BCAR1: variants seen among roughly 807,000 people sequenced by gnomAD.
BCAR1 encodes breast cancer anti-estrogen resistance protein 1.
BCAR1 carries 30 observed loss-of-function variants against 67.6 expected under a neutral mutation model. That is an observed-to-expected ratio of 0.44 (90% CI 0.33 to 0.60). The LOEUF (loss-of-function observed/expected upper bound fraction) is 0.60. Among genes scored for constraint, BCAR1 ranks in the 20% least tolerant of loss-of-function variants. The probability of loss-of-function intolerance (pLI) is 0.02; values close to 1 mark genes in which losing one functional copy is unlikely to be tolerated. For synonymous variants in BCAR1, 626 were observed against 556.7 expected (o/e 1.12, Z -1.75); for missense variants, 1,313 against 1,222.3 (o/e 1.07, Z -1.11).
In BCAR1 at chr16:75,236,798, A is replaced by C. The variant is rs963886910; in HGVS notation, c.912+84T>G. The C allele has an allele frequency of 7.3e-6, 11 of 1,509,962 alleles. No individual in the cohort carries two copies. In the Admixed American group the frequency reaches 1.3e-4, roughly 18 times the overall value. The allele number at this position is 1,509,962 out of a possible 1,614,324, so 93.5% of individuals were successfully genotyped here. A position where few individuals can be genotyped will look rare whatever the true frequency, so the allele number is the denominator to read the frequency against. ...TCCTGCCCGCCACCCCCAGCCCTGCAGACACTGGTCAGCACCCCTGTGCAC... is the reference window on the plus strand; with the variant it reads ...TCCTGCCCGCCACCCCCAGCCCTGCCGACACTGGTCAGCACCCCTGTGCAC... On this transcript the variant is annotated intron_variant, in intron 4 of 6. Transcript: ENST00000162330.
upstream of BCAR1, chr16:75,251,860 A>G (rs1487344002): frequency 1.1e-4 from 31 of 269,920 alleles, 1 homozygote; most frequent in Admixed American, 1.6e-3. Context: ...GGCGCAGGAC[A>G]CCGCTCTCCA....
Position 75,235,657 on chromosome 16 carries a change from G to T in BCAR1, c.1242C>A (p.Pro414=), listed in dbSNP as rs768088481. ...CTGCCGGGGCTTCACGTTCAGCTGG[G>T]GGAGGCACCGCATACACACCACTGT... The part of the protein sequence containing the change: ...VVDSGVYAVP[P]PAEREAPAEG... Residue 414 remains proline (P), a synonymous_variant, in exon 5 of 7, where the codon CCC becomes CCA. Transcript: ENST00000162330. The T allele has an allele frequency of 4.3e-6, 7 of 1,610,476 alleles. No homozygotes were observed. The Admixed American group carries it at 8.4e-5, about 19-fold the overall frequency.
At chr16:75,266,688 T>C (rs965147353) in intron 1 of BCAR1, 8 of 1,335,950 alleles carry the variant, frequency 6.0e-6, no homozygotes, top group African/African-American at 2.9e-5. Flanking sequence ...TTACATTTCA[T>C]AGGCCCAGGC....
intron 1 of BCAR1, chr16:75,264,469 A>C (rs1221622174): frequency 1.4e-6 from 2 of 1,479,306 alleles, no homozygotes; most frequent in Non-Finnish European, 1.8e-6. Flanking sequence ...CCAGGAGAGC[A>C]GAACAGAAGA....
intron 6 of BCAR1, among the ~76,000 whole-genome samples, chr16:75,230,910 T>C (rs548633779): frequency 3.3e-5 from 5 of 152,060 alleles, no homozygotes; most frequent in African/African-American, 1.2e-4. Context: ...TGAGGCAGGG[T>C]GAGGTGGCTC....
At chr16:75,256,522 G>A (rs995415812), upstream of BCAR1, among the ~76,000 whole-genome samples, 1 of 151,578 alleles carries the variant, frequency 6.6e-6, no homozygotes, top group African/African-American at 2.4e-5. Flanking sequence ...GATGGGGGGG[G>A]GTGGGGCCTC....
intron 1 of BCAR1, among the ~76,000 whole-genome samples, chr16:75,245,384 C>T (rs1412833860): frequency 6.6e-6 from 1 of 152,196 alleles, no homozygotes; most frequent in African/African-American, 2.4e-5. Flanking sequence ...CAGAGGGGAC[C>T]GCCCCGCGAA....
intron 1 of BCAR1, among the ~76,000 whole-genome samples, chr16:75,250,395 A>T (rs983860861): frequency 1.3e-5 from 2 of 152,194 alleles, no homozygotes; most frequent in African/African-American, 2.4e-5. Context: ...AATGGGCACA[A>T]GAGGGGGCGT....
Position 75,237,270 on chromosome 16 carries a change from G to A in BCAR1, c.708C>T (p.Ile236=). The A allele has an allele frequency of 1.3e-6, 2 of 1,524,926 alleles. No homozygotes were observed. The highest frequency in any genetic ancestry group is 1.8e-6 in the Non-Finnish European group (2 of 1,140,984). The allele number at this position is 1,524,926 out of a possible 1,614,324, so 94.5% of individuals were successfully genotyped here. A position where few individuals can be genotyped will look rare whatever the true frequency, so the allele number is the denominator to read the frequency against. ...AAQPEQDEYD[I]PRHLLAPGPQ... is the part of the protein sequence containing the mutation. ...GCCCCGGGGCCAGCAGGTGTCGCGG[G>A]ATGTCGTACTCGTCCTGCTCCGGCT... Residue 236 remains isoleucine (I), a synonymous_variant, in exon 3 of 7, where the codon ATC becomes ATT. Coordinates refer to ENST00000162330, the MANE Select transcript of BCAR1 (RefSeq NM_014567.5).
rs762829577 is a variant in BCAR1, at chr16:75,229,978, C to T, written c.2146G>A (p.Asp716Asn). ...GGCGTCCAGTTGGCCAGGTCGTGGTCTATGGGCCGTGACACCTCCTGTTCC... is the reference window on the plus strand; with the variant it reads ...GGCGTCCAGTTGGCCAGGTCGTGGTTTATGGGCCGTGACACCTCCTGTTCC... ...RLEQEVSRPI[D>N]HDLANWTPAQ... Residue 716 changes from aspartate to asparagine, a missense_variant, in exon 7 of 7, where the codon GAC (aspartate) becomes AAC (asparagine). By Grantham distance (23) the Asp-to-Asn change is conservative. Transcript: ENST00000162330. 1 of 1,578,208 alleles carries T rather than the reference C, an allele frequency of 6.3e-7. No individual in the cohort carries two copies. Among genetic ancestry groups the T allele is most frequent in the Admixed American group, 1.8e-5 (1 of 56,990 alleles).
chr16:75,235,780 G>A lies in BCAR1; in HGVS notation c.1119C>T (p.Asp373=), dbSNP rs1173091811. ...DVPPPAPDLY[D]VPPGLRRPGP... is the part of the protein sequence containing the mutation. ...CAGGCCGCCGCAAGCCAGGGGGCAC[G>A]TCGTAGAGGTCAGGAGCCGGGGGCG... Residue 373 remains aspartate (D), a synonymous_variant, in exon 5 of 7, where the codon GAC becomes GAT. Coordinates refer to ENST00000162330, the MANE Select transcript of BCAR1 (RefSeq NM_014567.5). 5 of 1,593,084 alleles carry A rather than the reference G, an allele frequency of 3.1e-6. No individual in the cohort carries two copies. Among genetic ancestry groups the A allele is most frequent in the South Asian group, 2.3e-5 (2 of 87,818 alleles).
At chr16:75,263,150 G>C in intron 1 of BCAR1, 1 of 952,144 alleles carries the variant, frequency 1.1e-6, no homozygotes. Context: ...AAGGGGCACA[G>C]GAGGAGCTGG....
Position 75,235,130 on chromosome 16 carries a change from G to T in BCAR1, c.1769C>A (p.Ala590Asp). 6.2e-7 allele frequency: 1 copy of T among 1,609,914 alleles called. No individual in the cohort carries two copies. The change falls in exon 5 of 7, where the codon GCC (alanine) becomes GAC (aspartate). Residue 590 changes from alanine (A) to aspartate (D), a missense_variant. Around this residue, in one of 2 missense-constraint regions of BCAR1, gnomAD observed 1,272 missense variants for 1,137.5 expected, o/e 1.12. Transcript: ENST00000162330. ...GTGCAGGAAGGAGGCCAGCTGCTTG[G>T]CGTCCTCGGGCACAGCCCGCGAGCA... ...VACSRAVPED[A>D]KQLASFLHGN...
intron 5 of BCAR1, among the ~76,000 whole-genome samples, chr16:75,234,170 C>G (rs1448403843): frequency 2.8e-5 from 4 of 143,908 alleles, no homozygotes; most frequent in African/African-American, 1.1e-4. Context: ...GACAGACACA[C>G]ACACACACAC....
At position 75,231,825 on chromosome 16, in the gene BCAR1, G is replaced by A. The variant is rs753038530; in HGVS notation, c.2101-1802C>T. On this transcript the variant is annotated intron_variant, in intron 6 of 6. Coordinates refer to ENST00000162330, the MANE Select transcript of BCAR1 (RefSeq NM_014567.5). ...ACACGACCACTTCTGAAAACACGGC[G>A]ATCCCAGAGTTCTCTCTCTAGACAG... Among the ~76,000 whole-genome samples, 5 of 152,202 alleles carry A rather than the reference G, an allele frequency of 3.3e-5. No individual in the cohort carries two copies. The South Asian group carries it at 6.2e-4, about 19-fold the overall frequency.
rs376612936 is a variant in BCAR1, at chr16:75,235,981, G to A, written c.918C>T (p.Tyr306=). The change falls in exon 5 of 7, where the codon TAC becomes TAT. Residue 306 remains tyrosine, a synonymous_variant. Coordinates refer to ENST00000162330, the MANE Select transcript of BCAR1 (RefSeq NM_014567.5). The stretch of plus-strand genomic sequence containing the variant: ...CCTTGCTCACCGATGGAGGAACGTC[G>A]TAGACCTGGGGGACAAGCGGTGGTC... ...GLPPSNHHAV[Y]DVPPSVSKDV... is the part of the protein sequence containing the mutation. 65 of 1,570,094 alleles carry A rather than the reference G, an allele frequency of 4.1e-5. No individual in the cohort carries two copies. The African/African-American group carries it at 6.5e-4, about 16-fold the overall frequency.
At chr16:75,264,638 G>T in intron 1 of BCAR1, 1 of 1,263,754 alleles carries the variant, frequency 7.9e-7, no homozygotes. Flanking sequence ...GCGAGCAGGA[G>T]CGGGCTCTTT....
chr16:75,238,286 C>G, intron 2 of BCAR1: 1 of 1,157,520 alleles, frequency 8.6e-7, no homozygotes, highest in Non-Finnish European at 1.1e-6. Flanking sequence ...TTCTCCAGCC[C>G]CCGGGCACAC....
intron 4 of BCAR1, 41 bp from the exon 5 acceptor site, chr16:75,236,027 C>T: frequency 6.5e-7 from 1 of 1,532,598 alleles, no homozygotes; most frequent in Non-Finnish European, 8.8e-7. Context: ...ATCTGTCCAT[C>T]TGCCCACCCC....
Sources: allele counts gnomAD v4.1 joint callset (sites outside exome capture counted in the v4.1 genomes callset), GRCh38; gene constraint gnomAD v4.1.1; regional missense constraint gnomAD v4.1.1; transcripts MANE v1.5; gene names NCBI Gene and HGNC (gene_info 2026-07-23, HGNC 2026-07-21).